The following ADCK1 variants were observed in gnomAD, a reference collection of about 807,000 sequenced individuals.
ADCK1 encodes the protein aarF domain-containing protein kinase 1.
A neutral mutation model predicts 52.3 loss-of-function variants in ADCK1; 41 were observed. The observed-to-expected ratio is 0.78, with a 90% CI of 0.61 to 1.02. The LOEUF (loss-of-function observed/expected upper bound fraction) is 1.02, where lower values mean the gene tolerates loss of function less well. ADCK1 is among the 50% of genes least tolerant of loss of function. The pLI is 0.00. For missense variants in ADCK1, 658 were observed against 679.5 expected (o/e 0.97, Z 0.35); for synonymous variants, 250 against 274.6 (o/e 0.91, Z 0.89).
intron 4 of ADCK1, among the ~76,000 whole-genome samples, chr14:77,876,507 T>TG (rs2082902691): frequency 6.6e-6 from 1 of 152,148 alleles, no homozygotes; most frequent in African/African-American, 2.4e-5. Context: ...TGAACATCTT[T>TG]GGGGGGCTCA....
chr14:77,809,475 G>A (rs963957375), intron 1 of ADCK1, among the ~76,000 whole-genome samples: 3 of 151,792 alleles, frequency 2.0e-5, no homozygotes, highest in Admixed American at 2.0e-4. Flanking sequence ...GATTACAGAC[G>A]TCCACCACCA....
chr14:77,866,217 C>T, intron 4 of ADCK1, among the ~76,000 whole-genome samples: 1 of 152,136 alleles, frequency 6.6e-6, no homozygotes, highest in East Asian at 1.9e-4. Flanking sequence ...AATTGTAACA[C>T]AATGGTGCGT....
rs544818915 is a variant in ADCK1, at chr14:77,929,486, C to T, written c.1207-2032C>T. On this transcript the variant is annotated intron_variant, in intron 9 of 10. Transcript: ENST00000238561. Reference sequence around the variant, plus strand: ...CTTTTTTAGAAGTGCCGGCCTCCCTCCAACAGCTTCCTCTTGCCTCATTGG... The same window carrying T: ...CTTTTTTAGAAGTGCCGGCCTCCCTTCAACAGCTTCCTCTTGCCTCATTGG... Among the ~76,000 whole-genome samples, 17 of 152,312 alleles carry T rather than the reference C, an allele frequency of 1.1e-4. No individual in the cohort carries two copies. The East Asian group carries it at 2.9e-3, about 26-fold the overall frequency.
chr14:77,804,250 G>GA (rs972152080), intron 1 of ADCK1, among the ~76,000 whole-genome samples: 3 of 152,046 alleles, frequency 2.0e-5, no homozygotes, highest in Non-Finnish European at 4.4e-5. Context: ...GTTTAATAAG[G>GA]AAAAATGTTT....
At chr14:77,840,261 C>T (rs763177859) in intron 3 of ADCK1, among the ~76,000 whole-genome samples, 8 of 152,002 alleles carry the variant, frequency 5.3e-5, no homozygotes, top group Non-Finnish European at 7.4e-5. Flanking sequence ...AAGTCTGGAA[C>T]GGTTCTCACT....
chr14:77,813,018 T>G (rs1280483192), intron 1 of ADCK1, among the ~76,000 whole-genome samples: 1 of 152,124 alleles, frequency 6.6e-6, no homozygotes, highest in East Asian at 1.9e-4. Context: ...AATTTTTTTT[T>G]TGAGGCGAAG....
At chr14:77,821,752 G>A (rs1298542196) in intron 2 of ADCK1, among the ~76,000 whole-genome samples, 1 of 151,826 alleles carries the variant, frequency 6.6e-6, no homozygotes, top group East Asian at 1.9e-4. Flanking sequence ...GTGGTGGCAT[G>A]TGTGTATAAT....
intron 3 of ADCK1, among the ~76,000 whole-genome samples, chr14:77,838,018 G>A (rs1362225315): frequency 1.3e-5 from 2 of 152,220 alleles, no homozygotes; most frequent in Admixed American, 1.3e-4. Context: ...GCACTCCGCA[G>A]CCGTAAGGGT....
chr14:77,850,972 T>TA (rs1357548626), intron 3 of ADCK1, among the ~76,000 whole-genome samples: 3 of 151,976 alleles, frequency 2.0e-5, no homozygotes, highest in East Asian at 1.9e-4. Flanking sequence ...TCTTTTTTTT[T>TA]ATCCTTCTAT....
intron 9 of ADCK1, among the ~76,000 whole-genome samples, chr14:77,930,589 C>T (rs1046368580): frequency 8.5e-5 from 13 of 152,102 alleles, no homozygotes; most frequent in African/African-American, 2.9e-4. Flanking sequence ...GGCACAGGCT[C>T]GGGAGCTGGA....
At chr14:77,816,881 A>AATATATATATAT (rs71128689) in intron 1 of ADCK1, among the ~76,000 whole-genome samples, 4,317 of 109,852 alleles carry the variant, frequency 0.039, 265 homozygotes, top group Non-Finnish European at 0.06. Flanking sequence ...GTAGATGGTA[A>AATATATATATAT]ATATATATAT....
intron 1 of ADCK1, among the ~76,000 whole-genome samples, chr14:77,810,232 A>C (rs2081312398): frequency 6.6e-6 from 1 of 151,608 alleles, no homozygotes; most frequent in Admixed American, 6.6e-5. Context: ...CTCCTACCTC[A>C]GCCTCCTGAG....
chr14:77,831,737 G>A (rs2081854657), intron 3 of ADCK1, among the ~76,000 whole-genome samples: 1 of 151,930 alleles, frequency 6.6e-6, no homozygotes, highest in Non-Finnish European at 1.5e-5. Flanking sequence ...TTACAGGTGT[G>A]AGCCACAATG....
At chr14:77,852,902 TATATA>T (rs1211691425) in intron 3 of ADCK1, among the ~76,000 whole-genome samples, 3 of 46,536 alleles carry the variant, frequency 6.4e-5, no homozygotes, top group African/African-American at 3.0e-4. Context: ...TATATATATA[TATATA>T]TTTTTTTTTT....
intron 7 of ADCK1, among the ~76,000 whole-genome samples, chr14:77,916,189 C>T (rs1453039762): frequency 6.6e-6 from 1 of 152,076 alleles, no homozygotes; most frequent in Non-Finnish European, 1.5e-5. Flanking sequence ...CTCTGCTTTT[C>T]CTCCCTTTCT....
At chr14:77,812,755 AG>A (rs1246174583) in intron 1 of ADCK1, among the ~76,000 whole-genome samples, 3 of 150,452 alleles carry the variant, frequency 2.0e-5, no homozygotes, top group East Asian at 2.0e-4. Context: ...ATGCCTGGCT[AG>A]TTTTTGTATT....
chr14:77,858,095 C>G (rs2082460819), intron 3 of ADCK1, among the ~76,000 whole-genome samples: 1 of 152,160 alleles, frequency 6.6e-6, no homozygotes, highest in Non-Finnish European at 1.5e-5. Flanking sequence ...AGGCAACCTG[C>G]CCAGATGCCT....
chr14:77,904,782 G>C (rs369994845), intron 6 of ADCK1, among the ~76,000 whole-genome samples: 12 of 152,150 alleles, frequency 7.9e-5, no homozygotes, highest in African/African-American at 2.4e-4. Flanking sequence ...CTGCTGGTGG[G>C]GCCGCTGAGC....
chr14:77,915,497 C>T (rs2083902322), intron 7 of ADCK1, among the ~76,000 whole-genome samples: 1 of 152,094 alleles, frequency 6.6e-6, no homozygotes, highest in Non-Finnish European at 1.5e-5. Context: ...ATAGCAAAGA[C>T]TTGGAACCAA....
Sources: allele counts gnomAD v4.1 joint callset (sites outside exome capture counted in the v4.1 genomes callset), GRCh38; gene constraint gnomAD v4.1.1; transcripts MANE v1.5; gene names NCBI Gene and HGNC (gene_info 2026-07-23, HGNC 2026-07-21).